MRPS27: variants seen among roughly 807,000 people sequenced by gnomAD.
The protein encoded by MRPS27 is small ribosomal subunit protein mS27.
A neutral mutation model predicts 48.9 loss-of-function variants in MRPS27; 43 were observed. The observed-to-expected ratio is 0.88, with a 90% CI of 0.69 to 1.13. The LOEUF (loss-of-function observed/expected upper bound fraction) is 1.13, where lower values mean the gene tolerates loss of function less well. Ranked by LOEUF, MRPS27 falls within the 50% of genes most tolerant of loss-of-function variation. The pLI, the probability that MRPS27 is intolerant of heterozygous loss-of-function variation, is 0.00. For missense variants in MRPS27, 467 were observed against 476.3 expected (o/e 0.98, Z 0.18); for synonymous variants, 188 against 171.9 (o/e 1.09, Z -0.73).
At chr5:72,296,508 C>T (rs1749984483) in intron 3 of MRPS27, among the ~76,000 whole-genome samples, 1 of 152,134 alleles carries the variant, frequency 6.6e-6, no homozygotes, top group Non-Finnish European at 1.5e-5. Flanking sequence ...AAGGCACTGG[C>T]CTCGAAGAGT....
At chr5:72,245,217 G>C (rs1748480926) in intron 4 of MRPS27, among the ~76,000 whole-genome samples, 1 of 152,196 alleles carries the variant, frequency 6.6e-6, no homozygotes, top group Non-Finnish European at 1.5e-5. Flanking sequence ...TCATGACTGA[G>C]AGGCAGTTAC....
At chr5:72,252,148 G>A (rs1748684010) in intron 4 of MRPS27, among the ~76,000 whole-genome samples, 1 of 152,086 alleles carries the variant, frequency 6.6e-6, no homozygotes, top group South Asian at 2.1e-4. Context: ...TTTAAGACAG[G>A]CTCAAAAAAG....
intron 1 of MRPS27, chr5:72,314,469 C>T (rs775332921): frequency 3.0e-5 from 6 of 199,766 alleles, no homozygotes; most frequent in Admixed American, 5.2e-5. Flanking sequence ...CACTACTGAT[C>T]GGCACAGGAA....
chr5:72,306,179 T>C (rs1283118232), intron 2 of MRPS27, among the ~76,000 whole-genome samples: 1 of 152,242 alleles, frequency 6.6e-6, no homozygotes, highest in African/African-American at 2.4e-5. Flanking sequence ...TCAGGGTAAG[T>C]AAACTGTTGA....
At chr5:72,284,555 A>C (rs1200208650) in intron 4 of MRPS27, among the ~76,000 whole-genome samples, 1 of 152,184 alleles carries the variant, frequency 6.6e-6, no homozygotes, top group African/African-American at 2.4e-5. Flanking sequence ...TGAATAAGTA[A>C]TATACACCCA....
intron 2 of MRPS27, 126 bp from the exon 3 acceptor site, chr5:72,297,828 T>A (rs547965245): frequency 2.2e-6 from 1 of 444,468 alleles, no homozygotes; most frequent in Admixed American, 4.2e-5. Flanking sequence ...AAATTATTTT[T>A]ATATAAATTA....
At chr5:72,308,726 GA>G (rs1310546078) in intron 2 of MRPS27, among the ~76,000 whole-genome samples, 8 of 152,162 alleles carry the variant, frequency 5.3e-5, no homozygotes, top group African/African-American at 1.9e-4. Flanking sequence ...GAGTAAAACC[GA>G]AAACAATGTC....
intron 4 of MRPS27, among the ~76,000 whole-genome samples, chr5:72,253,878 G>GA: frequency 2.0e-5 from 3 of 152,086 alleles, no homozygotes; most frequent in African/African-American, 2.4e-5. Context: ...AATCAAGCTT[G>GA]GGAAATTCTC....
Position 72,320,168 on chromosome 5 carries a change from A to T in MRPS27, c.54T>A (p.Leu18=), listed in dbSNP as rs1441265141. The part of the protein sequence containing the change: ...RGMLLARQVV[L]PQLSPAGKRY... ...GCCAACCTGCAGGAGAGAGCTGAGG[A>T]AGAACCACTTGCCGCGCCAGGAGCA... Residue 18 remains leucine, a synonymous_variant, in exon 1 of 11, where the codon CTT becomes CTA. Coordinates refer to ENST00000261413, the MANE Select transcript of MRPS27 (RefSeq NM_015084.3). 6.2e-7 allele frequency: 1 copy of T among 1,613,852 alleles called. No individual in the cohort carries two copies. The highest frequency in any genetic ancestry group is 8.5e-7 in the Non-Finnish European group (1 of 1,179,874).
intron 4 of MRPS27, chr5:72,241,385 C>T: frequency 1.9e-6 from 1 of 529,426 alleles, no homozygotes; most frequent in South Asian, 2.6e-5. Context: ...GCCCAAAATG[C>T]AATTCCTGAA....
intron 4 of MRPS27, among the ~76,000 whole-genome samples, chr5:72,265,970 TTCC>T (rs1446815420): frequency 1.3e-5 from 2 of 152,224 alleles, no homozygotes; most frequent in East Asian, 3.8e-4. Flanking sequence ...TAATGGTTTT[TTCC>T]TCCTATGAAG....
Position 72,238,148 on chromosome 5 carries a change from G to C in MRPS27, c.282-20C>G, listed in dbSNP as rs375746825. 151 of 1,541,198 alleles carry C rather than the reference G, an allele frequency of 9.8e-5. No individual in the cohort carries two copies. The highest frequency in any genetic ancestry group is 1.3e-4 in the Non-Finnish European group (148 of 1,114,102). On this transcript the variant is annotated intron_variant, in intron 4 of 10. Coordinates refer to ENST00000261413, the MANE Select transcript of MRPS27 (RefSeq NM_015084.3). ...CGAAACCTAAATAAGCACAAGAAGA[G>C]AGAAAACTGGTGTTAACTCTTATAT... is the stretch of plus-strand genomic sequence containing the variant.
intron 2 of MRPS27, among the ~76,000 whole-genome samples, chr5:72,308,377 G>C (rs552984215): frequency 3.3e-5 from 5 of 152,338 alleles, no homozygotes; most frequent in South Asian, 2.1e-4. Flanking sequence ...TCTCCAATGG[G>C]GATGGGAGCG....
Position 72,221,003 on chromosome 5 carries a change from A to G in MRPS27, c.1151T>C (p.Leu384Pro), listed in dbSNP as rs755915843. 2.5e-6 allele frequency: 4 copies of G among 1,614,206 alleles called. No homozygotes were observed. The South Asian group carries it at 4.4e-5, about 18-fold the overall frequency. ...TYEQNLQQWH[L>P]DLVQLIQREQ... ...TCTCTGGATCAACTGTACAAGGTCTAGATGCCACTGCTGCAGATTCTGCTC... is the reference window on the plus strand; with the variant it reads ...TCTCTGGATCAACTGTACAAGGTCTGGATGCCACTGCTGCAGATTCTGCTC... The change falls in exon 11 of 11, where the codon CTA becomes CCA. Residue 384 changes from leucine to proline, a missense_variant. Transcript: ENST00000261413.
At chr5:72,305,780 C>G (rs975427002) in intron 2 of MRPS27, among the ~76,000 whole-genome samples, 1 of 152,212 alleles carries the variant, frequency 6.6e-6, no homozygotes, top group Non-Finnish European at 1.5e-5. Flanking sequence ...AACACCCTAC[C>G]CAGTTCCCCA....
At chr5:72,304,676 T>C (rs892215216) in intron 2 of MRPS27, among the ~76,000 whole-genome samples, 2 of 152,186 alleles carry the variant, frequency 1.3e-5, no homozygotes, top group African/African-American at 4.8e-5. Flanking sequence ...ACAAAATCTG[T>C]AGTACAGATG....
Position 72,221,002 on chromosome 5 carries a change from T to C in MRPS27, c.1152A>G (p.Leu384=). Residue 384 remains leucine (L), a synonymous_variant, in exon 11 of 11, where the codon CTA becomes CTG. Coordinates refer to ENST00000261413, the MANE Select transcript of MRPS27 (RefSeq NM_015084.3). ...TYEQNLQQWH[L]DLVQLIQREQ... is the part of the protein sequence containing the mutation. ...CTCTCTGGATCAACTGTACAAGGTC[T>C]AGATGCCACTGCTGCAGATTCTGCT... 1 of 1,614,202 alleles carries C rather than the reference T, an allele frequency of 6.2e-7. No homozygotes were observed. The highest frequency in any genetic ancestry group is 8.5e-7 in the Non-Finnish European group (1 of 1,180,026).
rs1372881675 is a variant in MRPS27, at chr5:72,308,932, C to G, written c.151+5149G>C. The stretch of plus-strand genomic sequence containing the variant: ...AGCACCTGCATGTCAGACGGAGAGG[C>G]AGGCATTACCATCATCTCTAATTTA... On this transcript the variant is annotated intron_variant, in intron 2 of 10. Transcript: ENST00000261413. Among the ~76,000 whole-genome samples, 6 of 152,308 alleles carry G rather than the reference C, an allele frequency of 3.9e-5. No individual in the cohort carries two copies. The East Asian group carries it at 1.2e-3, about 29-fold the overall frequency.
intron 4 of MRPS27, among the ~76,000 whole-genome samples, chr5:72,277,485 T>C (rs62364777): frequency 0.23 from 35,340 of 151,960 alleles, 5,242 homozygotes; most frequent in Non-Finnish European, 0.33. Context: ...ATGTCTGTAA[T>C]CCCAGTTACT....
Sources: gnomAD v4.1 joint callset for allele counts (sites outside exome capture counted in the v4.1 genomes callset) on GRCh38, gnomAD v4.1.1 for gene constraint, MANE v1.5 for transcripts, NCBI Gene and HGNC (gene_info 2026-07-23, HGNC 2026-07-21) for gene names.